The following HPGD variants were observed in gnomAD, a reference collection of about 807,000 sequenced individuals.
The protein encoded by HPGD is 15-hydroxyprostaglandin dehydrogenase, also known as 15-hydroxyprostaglandin dehydrogenase [NAD(+)].
Under a neutral mutation model 30.0 loss-of-function variants are expected in HPGD, and 29 were observed. That is an observed-to-expected ratio of 0.97 (90% confidence interval 0.72 to 1.32). The LOEUF is 1.32. Among genes scored for constraint, HPGD ranks in the 40% most tolerant of loss-of-function variants. HPGD has a pLI of 0.00. For synonymous variants in HPGD, 99 were observed against 112.4 expected (o/e 0.88, Z 0.75); for missense variants, 340 against 322.1 (o/e 1.06, Z -0.43).
rs1423163522 is a variant in HPGD, at chr4:174,491,589, G to A, written c.*367C>T. 1 of 199,106 alleles carries A rather than the reference G, an allele frequency of 5.0e-6. No homozygotes were observed. Among genetic ancestry groups the A allele is most frequent in the African/African-American group, 2.3e-5 (1 of 42,628 alleles). 12.3% of individuals were successfully genotyped at this position (199,106 alleles called of 1,614,324 possible). ...TATGTGAGTGTTTTACATCTGGTTT[G>A]ATTTAAATAACAATTCAAGTATCTC... On this transcript the variant is annotated 3_prime_UTR_variant, in exon 7 of 7. Coordinates refer to ENST00000296522, the MANE Select transcript of HPGD (RefSeq NM_000860.6).
At chr4:174,508,006 C>T (rs1735270996) in intron 4 of HPGD, 1 of 632,698 alleles carries the variant, frequency 1.6e-6, no homozygotes, top group South Asian at 1.8e-5. Flanking sequence ...AGCAGAAGGT[C>T]TGCCATTACT....
chr4:174,498,234 CA>C (rs1734735553), intron 4 of HPGD, among the ~76,000 whole-genome samples: 2 of 152,218 alleles, frequency 1.3e-5, no homozygotes. Flanking sequence ...AGGCCTGAGC[CA>C]CAGCACTGGC....
chr4:174,502,340 T>C (rs575047782), intron 4 of HPGD, among the ~76,000 whole-genome samples: 2 of 152,294 alleles, frequency 1.3e-5, no homozygotes, highest in Non-Finnish European at 1.5e-5. Flanking sequence ...CTCATTCTTA[T>C]GGGTGCCATT....
At chr4:174,511,046 C>T (rs977210957) in intron 3 of HPGD, among the ~76,000 whole-genome samples, 19 of 152,100 alleles carry the variant, frequency 1.2e-4, no homozygotes, top group Admixed American at 7.2e-4. Flanking sequence ...TTTATTTAAG[C>T]GTAACAGTCC....
At chr4:174,507,607 A>T (rs1735252060) in intron 4 of HPGD, 1 of 152,222 alleles carries the variant, frequency 6.6e-6, no homozygotes, top group African/African-American at 2.4e-5. Flanking sequence ...CCAAACAGAT[A>T]ATTTTTTAAA....
intron 3 of HPGD, among the ~76,000 whole-genome samples, chr4:174,515,371 C>A (rs1236066359): frequency 6.6e-6 from 1 of 152,130 alleles, no homozygotes; most frequent in Non-Finnish European, 1.5e-5. Context: ...CACCTACAAT[C>A]ATCTGATCTT....
chr4:174,506,076 A>C (rs1392332875), intron 4 of HPGD, among the ~76,000 whole-genome samples: 1 of 152,206 alleles, frequency 6.6e-6, no homozygotes. Context: ...CATAGGTAAA[A>C]AGAGGATTAA....
chr4:174,522,599 G>C (rs1410593566), upstream of HPGD: 1 of 552,422 alleles, frequency 1.8e-6, no homozygotes, highest in East Asian at 3.3e-5. Flanking sequence ...GCCAGCGCCC[G>C]CCGGGGAACC....
chr4:174,491,306 TGTCTTTCCCAGATA>T lies in HPGD; in HGVS notation c.*636_*649del, dbSNP rs1734332296. 6.5e-6 allele frequency: 1 copy of T among 152,700 alleles called. No individual in the cohort carries two copies. Among genetic ancestry groups the T allele is most frequent in the Non-Finnish European group, 1.5e-5 (1 of 67,970 alleles). The allele number at this position is 152,700 out of a possible 1,614,324, so 9.5% of individuals were successfully genotyped here. On this transcript the variant is annotated 3_prime_UTR_variant, in exon 7 of 7. Transcript: ENST00000296522. ...TCTTAAAGTGAGCAGAGGAAAGAAA[TGTCTTTCCCAGATA>T]GGAGGCTGAACTGTGAATCAACAGT... is the stretch of plus-strand genomic sequence containing the variant.
intron 3 of HPGD, among the ~76,000 whole-genome samples, chr4:174,512,463 C>T (rs2110850323): frequency 1.3e-5 from 2 of 152,266 alleles, no homozygotes; most frequent in South Asian, 4.1e-4. Context: ...AGAGGTTACT[C>T]TCTGACATGA....
upstream of HPGD, chr4:174,522,762 T>A: frequency 3.3e-6 from 1 of 302,108 alleles, no homozygotes; most frequent in South Asian, 8.1e-5. Context: ...AGGTTATTTC[T>A]GAAGAAGAGT....
In HPGD at chr4:174,490,282, A is replaced by T. The variant is rs1734281743; in HGVS notation, c.*1674T>A. 1 of 152,344 alleles carries T rather than the reference A, an allele frequency of 6.6e-6. No individual in the cohort carries two copies. The highest frequency in any genetic ancestry group is 1.5e-5 in the Non-Finnish European group (1 of 68,034). 9.4% of individuals were successfully genotyped at this position (152,344 alleles called of 1,614,324 possible). A position where few individuals can be genotyped will look rare whatever the true frequency, so the allele number is the denominator to read the frequency against. ...AGCTACCTATAGAAGGTAAGATTTA[A>T]AGTAAGTTTTTAACTTATGTAACTC... is the stretch of plus-strand genomic sequence containing the variant. On this transcript the variant is annotated 3_prime_UTR_variant, in exon 7 of 7. Transcript: ENST00000296522. The surrounding 1 kb of genome is among the most constrained non-coding windows in gnomAD (Gnocchi z 4.4).
At chr4:174,500,331 A>G (rs545715630) in intron 4 of HPGD, among the ~76,000 whole-genome samples, 1 of 152,372 alleles carries the variant, frequency 6.6e-6, no homozygotes, top group South Asian at 2.1e-4. Flanking sequence ...TGGCACAGCC[A>G]CTTTGGAAGA....
At chr4:174,505,478 GA>G (rs1408084842) in intron 4 of HPGD, among the ~76,000 whole-genome samples, 1 of 152,188 alleles carries the variant, frequency 6.6e-6, no homozygotes, top group South Asian at 2.1e-4. Flanking sequence ...TACATGCTAT[GA>G]CTCAAGGGCA....
intron 4 of HPGD, among the ~76,000 whole-genome samples, chr4:174,500,972 G>A (rs1227889921): frequency 1.3e-5 from 2 of 152,114 alleles, no homozygotes; most frequent in African/African-American, 4.8e-5. Context: ...CCACAAATCT[G>A]GTATAGTGTC....
At chr4:174,519,769 T>C (rs189886412) in intron 2 of HPGD, among the ~76,000 whole-genome samples, 390 of 152,160 alleles carry the variant, frequency 2.6e-3, no homozygotes, top group African/African-American at 8.6e-3. Flanking sequence ...CCACCCCTAT[T>C]TCCCTTTGCT....
At chr4:174,495,498 A>G (rs1734549736) in intron 5 of HPGD, 50 bp downstream of exon 5, 1 of 1,358,378 alleles carries the variant, frequency 7.4e-7, no homozygotes, top group Non-Finnish European at 1.1e-6. Context: ...TTCATGTTTT[A>G]TAAATGTGTA....
rs986972194 is a variant in HPGD at position 174,490,805 on chromosome 4, C to T, written c.*1151G>A. Reference sequence around the variant, plus strand: ...TAGCAGACAGGATGAGTCACTTATACGATATTTTTTTGAGAAAACGACTGA... The same window carrying T: ...TAGCAGACAGGATGAGTCACTTATATGATATTTTTTTGAGAAAACGACTGA... On this transcript the variant is annotated 3_prime_UTR_variant, in exon 7 of 7. Transcript: ENST00000296522. This position sits in a 1 kb window ranked among gnomAD's most constrained non-coding sequence, Gnocchi z 4.4. 7 of 152,174 alleles carry T rather than the reference C, an allele frequency of 4.6e-5. No homozygotes were observed. Among genetic ancestry groups the T allele is most frequent in the Admixed American group, 6.6e-5 (1 of 15,252 alleles). The allele number at this position is 152,174 out of a possible 1,614,324, so 9.4% of individuals were successfully genotyped here.
intron 4 of HPGD, among the ~76,000 whole-genome samples, chr4:174,501,635 C>G (rs758025124): frequency 2.0e-5 from 3 of 151,758 alleles, no homozygotes; most frequent in Non-Finnish European, 4.4e-5. Context: ...ATTCTACCCA[C>G]AAAACAAAGA....
Sources: allele counts gnomAD v4.1 joint callset (sites outside exome capture counted in the v4.1 genomes callset), GRCh38; gene constraint gnomAD v4.1.1; non-coding constraint Gnocchi (gnomAD v3.1); transcripts MANE v1.5; gene names NCBI Gene and HGNC (gene_info 2026-07-23, HGNC 2026-07-21).